CTNNA2: variants seen among roughly 807,000 people sequenced by gnomAD.
CTNNA2 encodes the protein catenin alpha-2.
CTNNA2 carries 42 observed loss-of-function variants against 101.0 expected under a neutral mutation model. The ratio of observed to expected loss-of-function variants is 0.42; its 90% CI spans 0.32 to 0.54. The LOEUF is 0.54. Ranked by LOEUF, CTNNA2 falls within the 20% of genes least tolerant of loss-of-function variation. The pLI, the probability that CTNNA2 is intolerant of heterozygous loss-of-function variation, is 0.14. For missense variants in CTNNA2, 871 were observed against 1,223.1 expected (o/e 0.71, Z 4.29); for synonymous variants, 450 against 456.4 (o/e 0.99, Z 0.18).
chr2:79,949,673 G>A (rs1162658146), intron 7 of CTNNA2, among the ~76,000 whole-genome samples: 3 of 152,100 alleles, frequency 2.0e-5, no homozygotes, highest in Non-Finnish European at 2.9e-5. Flanking sequence ...AGCTATTTGG[G>A]AAGCTGAAAT....
intron 7 of CTNNA2, among the ~76,000 whole-genome samples, chr2:80,079,885 T>C (rs866115821): frequency 7.8e-6 from 1 of 127,506 alleles, no homozygotes; most frequent in Non-Finnish European, 1.6e-5. Flanking sequence ...AATAAAATAA[T>C]AAAATAAAAT....
At chr2:80,114,106 T>A (rs1701374867) in intron 7 of CTNNA2, among the ~76,000 whole-genome samples, 1 of 152,176 alleles carries the variant, frequency 6.6e-6, no homozygotes, top group African/African-American at 2.4e-5. Context: ...ACAGAGAAAA[T>A]TCCGTCGTCT....
intron 1 of CTNNA2, among the ~76,000 whole-genome samples, chr2:79,519,666 CT>C (rs1672000996): frequency 6.6e-6 from 1 of 152,064 alleles, no homozygotes; most frequent in Non-Finnish European, 1.5e-5. Context: ...TAAACTTCTG[CT>C]GCATAAGGAA....
At chr2:79,797,446 G>A (rs1675806171) in intron 3 of CTNNA2, among the ~76,000 whole-genome samples, 1 of 152,140 alleles carries the variant, frequency 6.6e-6, no homozygotes, top group East Asian at 1.9e-4. Context: ...GGATCACAAA[G>A]TCAGGAGTTC....
chr2:80,427,444 C>G (rs1183069714), intron 9 of CTNNA2, among the ~76,000 whole-genome samples: 1 of 152,206 alleles, frequency 6.6e-6, no homozygotes, highest in Non-Finnish European at 1.5e-5. Context: ...TCATTCCTTT[C>G]CTGTCCTCTG....
intron 4 of CTNNA2, among the ~76,000 whole-genome samples, chr2:79,462,001 T>C (rs1338789979): frequency 6.6e-6 from 1 of 151,922 alleles, no homozygotes. Context: ...TACAGGCAAA[T>C]GTACAGTGTG....
chr2:79,812,132 T>G (rs973193212), intron 3 of CTNNA2, among the ~76,000 whole-genome samples: 1 of 152,198 alleles, frequency 6.6e-6, no homozygotes, highest in Non-Finnish European at 1.5e-5. Flanking sequence ...TCCAATGTCA[T>G]TTTTTGTAGA....
intron 7 of CTNNA2, among the ~76,000 whole-genome samples, chr2:80,015,802 T>C (rs1694102181): frequency 6.6e-6 from 1 of 152,210 alleles, no homozygotes; most frequent in African/African-American, 2.4e-5. Context: ...TGAGTGGAAA[T>C]ATGTATTCAA....
intron 7 of CTNNA2, among the ~76,000 whole-genome samples, chr2:80,369,718 C>T (rs559329941): frequency 4.6e-4 from 70 of 152,180 alleles, no homozygotes; most frequent in Middle Eastern, 6.8e-3. Context: ...TTTGAGTCTT[C>T]AAAGGTAGAA....
At chr2:80,542,012 T>C (rs59067875) in intron 9 of CTNNA2, among the ~76,000 whole-genome samples, 62,935 of 148,408 alleles carry the variant, frequency 0.42, 13,593 homozygotes, top group South Asian at 0.55. Flanking sequence ...TTTTTCTACA[T>C]TTCTACCCAT....
intron 7 of CTNNA2, among the ~76,000 whole-genome samples, chr2:80,241,734 AT>A (rs1670959788): frequency 6.6e-6 from 1 of 152,162 alleles, no homozygotes; most frequent in South Asian, 2.1e-4. Flanking sequence ...AGATTATCTG[AT>A]TATATGGCAG....
At chr2:79,994,984 G>T (rs746257474) in intron 7 of CTNNA2, among the ~76,000 whole-genome samples, 15 of 152,110 alleles carry the variant, frequency 9.9e-5, no homozygotes, top group Non-Finnish European at 1.9e-4. Flanking sequence ...AAACATAATT[G>T]GAGCAGAGGG....
At chr2:79,901,041 A>G (rs916647665) in intron 6 of CTNNA2, among the ~76,000 whole-genome samples, 1 of 152,228 alleles carries the variant, frequency 6.6e-6, no homozygotes, top group African/African-American at 2.4e-5. Flanking sequence ...ACATGGGTAC[A>G]TTGTAGCACA....
chr2:79,548,661 A>C (rs1673893326), intron 1 of CTNNA2, among the ~76,000 whole-genome samples: 1 of 152,190 alleles, frequency 6.6e-6, no homozygotes, highest in Non-Finnish European at 1.5e-5. Flanking sequence ...GAATTTGGTG[A>C]AATCTACAAC....
intron 1 of CTNNA2, among the ~76,000 whole-genome samples, chr2:79,649,567 G>T (rs909921518): frequency 2.0e-5 from 3 of 152,172 alleles, no homozygotes; most frequent in Non-Finnish European, 4.4e-5. Context: ...TCCTTCTATG[G>T]CATGAGAAGG....
intron 7 of CTNNA2, among the ~76,000 whole-genome samples, chr2:80,310,590 A>C (rs768716398): frequency 3.9e-5 from 6 of 152,200 alleles, no homozygotes; most frequent in Admixed American, 3.9e-4. Context: ...TTGGAGGTGC[A>C]TTAGGGTTGT....
intron 7 of CTNNA2, among the ~76,000 whole-genome samples, chr2:80,384,425 A>G (rs897621442): frequency 2.4e-5 from 3 of 125,252 alleles, no homozygotes; most frequent in Non-Finnish European, 1.5e-5. Flanking sequence ...AAGTTAAAAG[A>G]AAAAAAAAAA....
intron 7 of CTNNA2, among the ~76,000 whole-genome samples, chr2:80,269,349 G>A (rs1268687759): frequency 6.6e-6 from 1 of 152,162 alleles, no homozygotes; most frequent in Non-Finnish European, 1.5e-5. Context: ...CTGATGCCTT[G>A]TGAAGAAGGA....
At chr2:79,339,089 G>A (rs921466) in intron 3 of CTNNA2, among the ~76,000 whole-genome samples, 51,238 of 151,916 alleles carry the variant, frequency 0.34, 8,930 homozygotes, top group Admixed American at 0.4. Flanking sequence ...TGGAGAAGTT[G>A]CCCAAAGCCA....
Sources: gnomAD v4.1 joint callset for allele counts (sites outside exome capture counted in the v4.1 genomes callset) on GRCh38, gnomAD v4.1.1 for gene constraint, MANE v1.5 for transcripts, NCBI Gene and HGNC (gene_info 2026-07-23, HGNC 2026-07-21) for gene names.